RASGRP3: variants seen among roughly 807,000 people sequenced by gnomAD.
The protein encoded by RASGRP3 is ras guanyl-releasing protein 3.
Under a neutral mutation model 82.7 loss-of-function variants are expected in RASGRP3, and 54 were observed. That is an observed-to-expected ratio of 0.65 (90% CI 0.52 to 0.82). The LOEUF (loss-of-function observed/expected upper bound fraction) is 0.82, where lower values mean the gene tolerates loss of function less well. Among genes scored for constraint, RASGRP3 ranks in the 40% least tolerant of loss-of-function variants. The pLI is 0.00. For synonymous variants in RASGRP3, 309 were observed against 300.5 expected (o/e 1.03, Z -0.29); for missense variants, 861 against 828.9 (o/e 1.04, Z -0.48).
chr2:33,523,843 A>G (rs762989721), intron 7 of RASGRP3, 36 bp from the exon 8 acceptor site: 8 of 1,553,984 alleles, frequency 5.1e-6, no homozygotes, highest in Non-Finnish European at 7.0e-6. Flanking sequence ...CAAAGGCTCT[A>G]TTATAATTCA....
intron 14 of RASGRP3, among the ~76,000 whole-genome samples, chr2:33,554,029 G>A (rs1399915807): frequency 2.6e-5 from 4 of 152,136 alleles, no homozygotes; most frequent in Non-Finnish European, 5.9e-5. Flanking sequence ...GAGCCACCGC[G>A]CCCGGCTGAC....
chr2:33,465,928 G>A (rs1480581707), intron 2 of RASGRP3, among the ~76,000 whole-genome samples: 4 of 148,812 alleles, frequency 2.7e-5, no homozygotes, highest in African/African-American at 1.0e-4. Flanking sequence ...TTATAGCCTG[G>A]TATACTGAAT....
chr2:33,562,742 AG>A lies in RASGRP3; in HGVS notation c.*7del. On this transcript the variant is annotated 3_prime_UTR_variant, in exon 18 of 18. Coordinates refer to ENST00000403687, the MANE Select transcript of RASGRP3 (RefSeq NM_001139488.2). ...TTTGTGTTTCAGGATGGCTGACTTC[AG>A]GCTGCGGAAACTGAAGGCAATAATG... The A allele has an allele frequency of 6.2e-7, 1 of 1,613,562 alleles. No individual in the cohort carries two copies. The highest frequency in any genetic ancestry group is 8.5e-7 in the Non-Finnish European group (1 of 1,179,476).
At chr2:33,437,046 A>G (rs1194152764) in intron 1 of RASGRP3, among the ~76,000 whole-genome samples, 1 of 152,194 alleles carries the variant, frequency 6.6e-6, no homozygotes, top group African/African-American at 2.4e-5. Flanking sequence ...TATAAAATTT[A>G]AATTTTGTAT....
At chr2:33,477,225 A>C (rs149451360) in intron 1 of RASGRP3, among the ~76,000 whole-genome samples, 24 of 152,330 alleles carry the variant, frequency 1.6e-4, no homozygotes, top group African/African-American at 5.5e-4. Context: ...TTAACTGTGT[A>C]GAACTGTCTG....
intron 1 of RASGRP3, among the ~76,000 whole-genome samples, chr2:33,497,364 T>A (rs2150971320): frequency 6.6e-6 from 1 of 152,186 alleles, no homozygotes; most frequent in East Asian, 1.9e-4. Flanking sequence ...ACTTGTGAAA[T>A]CCCCACAAAT....
chr2:33,492,700 G>T (rs1432824555), intron 1 of RASGRP3, among the ~76,000 whole-genome samples: 1 of 152,178 alleles, frequency 6.6e-6, no homozygotes, highest in Admixed American at 6.5e-5. Context: ...GGACTTCTCA[G>T]CCTCCAGAGC....
chr2:33,474,238 G>A (rs1037541022), upstream of RASGRP3, among the ~76,000 whole-genome samples: 3 of 152,170 alleles, frequency 2.0e-5, no homozygotes, highest in African/African-American at 7.2e-5. Flanking sequence ...TGGAGGTGGA[G>A]CCTGGTGGGA....
Position 33,549,588 on chromosome 2 carries a change from T to C in RASGRP3, c.1395-16T>C. On this transcript the variant is annotated splice_polypyrimidine_tract_variant and intron_variant, in intron 13 of 17. Transcript: ENST00000403687. Reference sequence around the variant, plus strand: ...GTTATTTAAAGATTCCCTCCCTTCTTTGATTCTCTTAACAGGGATGGCCTA... The same window carrying C: ...GTTATTTAAAGATTCCCTCCCTTCTCTGATTCTCTTAACAGGGATGGCCTA... 2 of 1,604,760 alleles carry C rather than the reference T, an allele frequency of 1.2e-6. No homozygotes were observed. The highest frequency in any genetic ancestry group is 1.1e-5 in the South Asian group (1 of 88,946).
At chr2:33,468,687 A>C (rs1574266189) in intron 2 of RASGRP3, among the ~76,000 whole-genome samples, 1 of 152,222 alleles carries the variant, frequency 6.6e-6, no homozygotes, top group Admixed American at 6.5e-5. Context: ...GGTGTGAACC[A>C]CTGTACCCAG....
chr2:33,467,273 C>G (rs1666752604), intron 2 of RASGRP3, among the ~76,000 whole-genome samples: 1 of 152,058 alleles, frequency 6.6e-6, no homozygotes, highest in African/African-American at 2.4e-5. Context: ...TTAGAGGTTG[C>G]AAAGTCTACT....
intron 1 of RASGRP3, among the ~76,000 whole-genome samples, chr2:33,501,573 G>T (rs1669882719): frequency 6.6e-6 from 1 of 152,202 alleles, no homozygotes; most frequent in Non-Finnish European, 1.5e-5. Context: ...CTTGTCCAAA[G>T]TCACATGCTA....
At chr2:33,515,479 T>G (rs981045256) in intron 3 of RASGRP3, among the ~76,000 whole-genome samples, 1 of 152,220 alleles carries the variant, frequency 6.6e-6, no homozygotes, top group Non-Finnish European at 1.5e-5. Flanking sequence ...TCATATTCCC[T>G]TCACTGAAAT....
chr2:33,507,310 G>T (rs1412330572), intron 1 of RASGRP3, among the ~76,000 whole-genome samples: 1 of 152,128 alleles, frequency 6.6e-6, no homozygotes, highest in Non-Finnish European at 1.5e-5. Flanking sequence ...TAGGAGAATT[G>T]CTTGAAAGTG....
intron 4 of RASGRP3, among the ~76,000 whole-genome samples, chr2:33,517,890 T>G (rs1277833365): frequency 6.6e-6 from 1 of 152,190 alleles, no homozygotes; most frequent in Non-Finnish European, 1.5e-5. Context: ...TGAATCGACA[T>G]TTCTATAAAC....
intron 10 of RASGRP3, among the ~76,000 whole-genome samples, chr2:33,530,220 C>T (rs771990850): frequency 5.9e-5 from 9 of 152,192 alleles, no homozygotes; most frequent in Non-Finnish European, 1.0e-4. Flanking sequence ...AAATTTTCTC[C>T]TGAAGTGATT....
chr2:33,508,044 A>G (rs1670558308), intron 1 of RASGRP3, among the ~76,000 whole-genome samples: 1 of 152,202 alleles, frequency 6.6e-6, no homozygotes, highest in African/African-American at 2.4e-5. Flanking sequence ...TTACTGATCC[A>G]TTGTCTATGG....
At chr2:33,522,222 T>C in intron 7 of RASGRP3, 120 bp downstream of exon 7, 2 of 1,093,984 alleles carry the variant, frequency 1.8e-6, no homozygotes, top group Non-Finnish European at 2.6e-6. Context: ...GCTGGAGAAG[T>C]GCCCTTAATT....
chr2:33,499,248 T>C (rs1397565344), intron 1 of RASGRP3, among the ~76,000 whole-genome samples: 11 of 151,970 alleles, frequency 7.2e-5, no homozygotes, highest in Non-Finnish European at 1.3e-4. Context: ...AGACACCTAA[T>C]CCTCACTCTA....
Sources: gnomAD v4.1 joint callset for allele counts (sites outside exome capture counted in the v4.1 genomes callset) on GRCh38, gnomAD v4.1.1 for gene constraint, MANE v1.5 for transcripts, NCBI Gene and HGNC (gene_info 2026-07-23, HGNC 2026-07-21) for gene names.